The following ESYT2 variants were observed in gnomAD, a reference collection of about 807,000 sequenced individuals.
ESYT2 encodes the protein extended synaptotagmin 2, also known as extended synaptotagmin-2.
Under a neutral mutation model 107.2 loss-of-function variants are expected in ESYT2, and 54 were observed. The observed-to-expected ratio is 0.50, with a 90% CI of 0.40 to 0.63. ESYT2 has a LOEUF of 0.63. ESYT2 is among the 30% of genes least tolerant of loss of function. The probability of loss-of-function intolerance (pLI) is 0.00; values close to 1 mark genes in which losing one functional copy is unlikely to be tolerated. For synonymous variants in ESYT2, 491 were observed against 434.1 expected, an observed-to-expected ratio of 1.13 and a Z score of -1.63; for missense variants, 1,020 against 1,094.5, an observed-to-expected ratio of 0.93 and a Z score of 0.96.
intron 7 of ESYT2, among the ~76,000 whole-genome samples, chr7:158,769,796 T>C (rs1005835452): frequency 2.0e-5 from 3 of 152,244 alleles, no homozygotes; most frequent in Admixed American, 2.0e-4. Context: ...TCAGGCATTA[T>C]TCTTACTCTA....
chr7:158,749,558 T>C (rs2129471657), intron 15 of ESYT2, 91 bp downstream of exon 15: 1 of 1,200,986 alleles, frequency 8.3e-7, no homozygotes. Context: ...CAACTGAATG[T>C]ATTTGCAACC....
intron 6 of ESYT2, among the ~76,000 whole-genome samples, chr7:158,782,649 G>GAA (rs36177226): frequency 0.81 from 120,732 of 148,980 alleles, 49,823 homozygotes; most frequent in Non-Finnish European, 0.89. Context: ...TGAGAACAAA[G>GAA]AAGTATTAAA....
At chr7:158,807,707 A>G (rs577487202) in intron 1 of ESYT2, among the ~76,000 whole-genome samples, 1 of 152,348 alleles carries the variant, frequency 6.6e-6, no homozygotes, top group East Asian at 1.9e-4. Context: ...ACGGGCCATG[A>G]GGTCTCTGTC....
At position 158,760,077 on chromosome 7, in the gene ESYT2, T is replaced by C; in HGVS notation, c.1304A>G (p.Asn435Ser). The C allele has an allele frequency of 1.2e-6, 2 of 1,614,216 alleles. No individual in the cohort carries two copies. Among genetic ancestry groups the C allele is most frequent in the Non-Finnish European group, 1.7e-6 (2 of 1,180,034 alleles). ...CAGCACCTTGTCGAGGTTTGACGCA[T>C]TTGGCATTAACGTGAGCCACTCCAG... ...LRLEWLTLMP[N>S]ASNLDKVLTD... is the part of the protein sequence containing the mutation. Residue 435 changes from asparagine to serine, a missense_variant, in exon 12 of 23, where the codon AAT (asparagine) becomes AGT (serine). Asn to Ser is a conservative substitution (Grantham distance 46). Transcript: ENST00000275418.
intron 19 of ESYT2, among the ~76,000 whole-genome samples, chr7:158,737,897 ATTG>A (rs1220185312): frequency 2.6e-5 from 4 of 152,248 alleles, no homozygotes; most frequent in Non-Finnish European, 5.9e-5. Context: ...CCACAGTATC[ATTG>A]TTAACAAATG....
At chr7:158,823,230 G>A (rs1840335855) in intron 1 of ESYT2, among the ~76,000 whole-genome samples, 1 of 145,566 alleles carries the variant, frequency 6.9e-6, no homozygotes, top group Non-Finnish European at 1.5e-5. Context: ...GCGAGGCGGA[G>A]GTTGCAGTGA....
Position 158,809,430 on chromosome 7 carries a change from C to T in ESYT2, c.331-10358G>A, listed in dbSNP as rs140726555. ...GGCGAAGGTTGCAGTGAGCCGAGAT[C>T]GCACCATTGCACTCCAGCCTGGCTA... On this transcript the variant is annotated intron_variant, in intron 1 of 22. Coordinates refer to ENST00000275418, the MANE Select transcript of ESYT2 (RefSeq NM_001367773.1). Among the ~76,000 whole-genome samples the T allele has an allele frequency of 3.1e-4, 42 of 134,580 alleles. No individual in the cohort carries two copies. The East Asian group carries it at 9.1e-3, about 29-fold the overall frequency. 88.3% of individuals were successfully genotyped at this position (134,580 alleles called of 152,430 possible).
chr7:158,826,581 A>AG (rs1488856482), intron 1 of ESYT2, among the ~76,000 whole-genome samples: 1 of 150,056 alleles, frequency 6.7e-6, no homozygotes, highest in Non-Finnish European at 1.5e-5. Flanking sequence ...CCAGCACTTT[A>AG]GGAGGCTGAG....
At chr7:158,799,726 C>T (rs1032182509) in intron 1 of ESYT2, among the ~76,000 whole-genome samples, 7 of 152,216 alleles carry the variant, frequency 4.6e-5, no homozygotes, top group Admixed American at 4.6e-4. Context: ...CCTTTCCTTA[C>T]ATGGCTCCTC....
chr7:158,828,590 G>A (rs894148960), intron 1 of ESYT2, among the ~76,000 whole-genome samples: 3 of 152,180 alleles, frequency 2.0e-5, no homozygotes, highest in Non-Finnish European at 4.4e-5. Flanking sequence ...GGCTTCACGA[G>A]GGCAGACGCG....
chr7:158,807,200 G>A (rs532984558), intron 1 of ESYT2, among the ~76,000 whole-genome samples: 139 of 137,618 alleles, frequency 1.0e-3, no homozygotes, highest in Middle Eastern at 4.2e-3. Context: ...GTAGCGAGCC[G>A]ATATCGCACC....
chr7:158,754,764 C>T (rs1157847038), intron 13 of ESYT2, among the ~76,000 whole-genome samples: 1 of 152,204 alleles, frequency 6.6e-6, no homozygotes, highest in African/African-American at 2.4e-5. Context: ...TGGGCCCACG[C>T]TGAGTTCCAA....
intron 15 of ESYT2, among the ~76,000 whole-genome samples, chr7:158,749,007 A>C (rs970198611): frequency 1.3e-5 from 2 of 152,230 alleles, no homozygotes; most frequent in South Asian, 2.1e-4. Flanking sequence ...GTTTTCTTTT[A>C]AACTATTTAT....
rs528878521 is a variant in ESYT2, at chr7:158,771,683, A to G, written c.803+1658T>C. On this transcript the variant is annotated intron_variant, in intron 7 of 22. Coordinates refer to ENST00000275418, the MANE Select transcript of ESYT2 (RefSeq NM_001367773.1). Reference sequence around the variant, plus strand: ...GGTGCCCAACACCGGCTCCATCTGAAGTCCCTCAGAAGACACGCCAGCTTT... The same window carrying G: ...GGTGCCCAACACCGGCTCCATCTGAGGTCCCTCAGAAGACACGCCAGCTTT... 2.0e-5 allele frequency among the ~76,000 whole-genome samples: 3 copies of G among 152,350 alleles called. No homozygotes were observed. In the South Asian group the frequency reaches 6.2e-4, roughly 32 times the overall value.
intron 16 of ESYT2, 196 bp from the exon 17 acceptor site, chr7:158,743,874 A>T: frequency 1.9e-6 from 1 of 517,366 alleles, no homozygotes; most frequent in Non-Finnish European, 3.3e-6. Flanking sequence ...GGGGTTCGAG[A>T]CCAGCCTGGC....
rs563813081 is a variant in ESYT2 at position 158,756,484 on chromosome 7, A to G, written c.1419+3002T>C. On this transcript the variant is annotated intron_variant, in intron 13 of 22. Transcript: ENST00000275418. Reference sequence around the variant, plus strand: ...GAGCTCTGGGTAAATCATGTAAGTGAAGGCAAATTTTTATTTAAAAAATGG... The same window carrying G: ...GAGCTCTGGGTAAATCATGTAAGTGGAGGCAAATTTTTATTTAAAAAATGG... 5.7e-4 allele frequency among the ~76,000 whole-genome samples: 87 copies of G among 152,360 alleles called. 1 individual carries two copies. The highest frequency in any genetic ancestry group is 2.0e-3 in the African/African-American group (83 of 41,578).
chr7:158,742,070 ACCACTTTTTT>A (rs1415991630), intron 17 of ESYT2, among the ~76,000 whole-genome samples, 174 bp from the exon 18 acceptor site: 2 of 152,188 alleles, frequency 1.3e-5, no homozygotes, highest in African/African-American at 4.8e-5. Flanking sequence ...TGATACAAAT[ACCACTTTTTT>A]CCCAGAGATG....
rs181293399 is a variant in ESYT2 at position 158,791,889 on chromosome 7, T to G, written c.584+1761A>C. On this transcript the variant is annotated intron_variant, in intron 4 of 22. Coordinates refer to ENST00000275418, the MANE Select transcript of ESYT2 (RefSeq NM_001367773.1). Reference sequence around the variant, plus strand: ...GGGATTGCTTTAGGTAGTAGTAACATCTTAACAATATTAAGTCTTCTAATC... The same window carrying G: ...GGGATTGCTTTAGGTAGTAGTAACAGCTTAACAATATTAAGTCTTCTAATC... Among the ~76,000 whole-genome samples, 64 of 152,328 alleles carry G rather than the reference T, an allele frequency of 4.2e-4. No individual in the cohort carries two copies. In the East Asian group the frequency reaches 0.012, roughly 28 times the overall value.
intron 20 of ESYT2, among the ~76,000 whole-genome samples, chr7:158,736,014 T>C (rs1038635086): frequency 6.6e-5 from 10 of 152,070 alleles, no homozygotes; most frequent in Non-Finnish European, 1.2e-4. Context: ...ATTCCCACCA[T>C]CTCCAATAAA....
Sources: allele counts gnomAD v4.1 joint callset (sites outside exome capture counted in the v4.1 genomes callset), GRCh38; gene constraint gnomAD v4.1.1; transcripts MANE v1.5; gene names NCBI Gene and HGNC (gene_info 2026-07-23, HGNC 2026-07-21).